The following CEP112 variants were observed in gnomAD, a reference collection of about 807,000 sequenced individuals.
CEP112 encodes centrosomal protein of 112 kDa.
A neutral mutation model predicts 153.0 loss-of-function variants in CEP112; 127 were observed. The ratio of observed to expected loss-of-function variants is 0.83; its 90% CI spans 0.72 to 0.96. CEP112 has a LOEUF of 0.96. Among genes scored for constraint, CEP112 ranks in the 40% least tolerant of loss-of-function variants. The pLI, the probability that CEP112 is intolerant of heterozygous loss-of-function variation, is 0.00. For synonymous variants in CEP112, 358 were observed against 374.4 expected (o/e 0.96, Z 0.51); for missense variants, 1,089 against 1,101.2 (o/e 0.99, Z 0.16).
chr17:65,979,662 T>C (rs564222325), intron 17 of CEP112, among the ~76,000 whole-genome samples: 9 of 152,344 alleles, frequency 5.9e-5, no homozygotes, highest in Middle Eastern at 3.4e-3. Context: ...TGTTATTGCC[T>C]TCTAGTAATT....
intron 22 of CEP112, among the ~76,000 whole-genome samples, chr17:65,743,931 T>C (rs1471430068): frequency 6.6e-6 from 1 of 151,790 alleles, no homozygotes; most frequent in Admixed American, 6.6e-5. Context: ...CCAGCTAATT[T>C]TTTGTATTTT....
chr17:65,743,435 C>T (rs555531050), intron 22 of CEP112, among the ~76,000 whole-genome samples: 1 of 152,268 alleles, frequency 6.6e-6, no homozygotes, highest in South Asian at 2.1e-4. Context: ...ACCAAATATA[C>T]TTGGAAGACG....
intron 23 of CEP112, among the ~76,000 whole-genome samples, chr17:65,719,924 A>AG (rs1397634950): frequency 4.8e-4 from 73 of 152,106 alleles, no homozygotes; most frequent in African/African-American, 1.6e-3. Flanking sequence ...GGTGTGGAGG[A>AG]GAGGTTGGAA....
At chr17:65,784,268 A>T (rs2054154042) in intron 21 of CEP112, among the ~76,000 whole-genome samples, 1 of 152,250 alleles carries the variant, frequency 6.6e-6, no homozygotes, top group Non-Finnish European at 1.5e-5. Flanking sequence ...GAAACAAGAT[A>T]TAACAGAAGT....
intron 6 of CEP112, among the ~76,000 whole-genome samples, chr17:66,127,354 G>C (rs2069894700): frequency 1.3e-5 from 2 of 152,116 alleles, no homozygotes; most frequent in South Asian, 4.2e-4. Flanking sequence ...TCTGGCAAAA[G>C]GAATTTGTCT....
At chr17:65,911,405 G>C (rs565300304) in intron 19 of CEP112, among the ~76,000 whole-genome samples, 71 of 152,240 alleles carry the variant, frequency 4.7e-4, no homozygotes, top group African/African-American at 1.7e-3. Flanking sequence ...CTAATAAGGA[G>C]TTAACTAATG....
At chr17:65,650,741 A>T (rs1023427281) in intron 24 of CEP112, among the ~76,000 whole-genome samples, 3 of 150,292 alleles carry the variant, frequency 2.0e-5, no homozygotes, top group African/African-American at 7.3e-5. Flanking sequence ...AAAAAAAAAA[A>T]AAAAAAAAAA....
chr17:65,719,548 C>T (rs2049749281), intron 23 of CEP112, among the ~76,000 whole-genome samples: 1 of 152,150 alleles, frequency 6.6e-6, no homozygotes, highest in African/African-American at 2.4e-5. Flanking sequence ...TGCCACCGCA[C>T]TCCAGCCTGG....
intron 16 of CEP112, among the ~76,000 whole-genome samples, chr17:66,007,200 T>A (rs964182905): frequency 6.6e-6 from 1 of 152,118 alleles, no homozygotes; most frequent in Non-Finnish European, 1.5e-5. Context: ...GCTGCTATGA[T>A]GATAATCTCA....
At chr17:66,086,747 G>GA (rs923094637) in intron 8 of CEP112, among the ~76,000 whole-genome samples, 33 of 148,338 alleles carry the variant, frequency 2.2e-4, no homozygotes, top group Middle Eastern at 3.4e-3. Flanking sequence ...ATAGAGAAAA[G>GA]AAAAAAAAAC....
At chr17:66,028,221 G>T in intron 15 of CEP112, 92 bp downstream of exon 15, 1 of 735,450 alleles carries the variant, frequency 1.4e-6, no homozygotes, top group Non-Finnish European at 2.3e-6. Flanking sequence ...GCATTTCTGA[G>T]TTTTATTTTT....
rs1308604253 is a variant in CEP112 at position 65,659,197 on chromosome 17, T to TTA, written c.2698-18133_2698-18132insTA. On this transcript the variant is annotated intron_variant, in intron 24 of 26. Coordinates refer to ENST00000535342, the MANE Select transcript of CEP112 (RefSeq NM_001199165.4). ...ATTAATTTGTTGATAAACATATAGT[T>TTA]TCCTATTTTAAAGCAAAACTTAAAA... 2.6e-5 allele frequency among the ~76,000 whole-genome samples: 4 copies of TTA among 152,158 alleles called. No homozygotes were observed. In the East Asian group the frequency reaches 7.7e-4, roughly 29 times the overall value.
chr17:65,889,627 T>C (rs1598900525), intron 20 of CEP112, among the ~76,000 whole-genome samples: 1 of 152,270 alleles, frequency 6.6e-6, no homozygotes, highest in South Asian at 2.1e-4. Flanking sequence ...AGATCTCATC[T>C]TCACTGTTGG....
intron 6 of CEP112, among the ~76,000 whole-genome samples, chr17:66,117,666 TG>T (rs1054749191): frequency 4.6e-5 from 7 of 152,090 alleles, no homozygotes; most frequent in African/African-American, 1.7e-4. Context: ...AATGGACAGA[TG>T]GGGCGACATC....
rs78043198 is a variant in CEP112 at position 65,736,864 on chromosome 17, A to G, written c.2607+6204T>C. 1.6e-3 allele frequency among the ~76,000 whole-genome samples: 247 copies of G among 152,324 alleles called. 2 individuals carry two copies. Among genetic ancestry groups the G allele is most frequent in the African/African-American group, 5.9e-3 (244 of 41,564 alleles). On this transcript the variant is annotated intron_variant, in intron 23 of 26. Coordinates refer to ENST00000535342, the MANE Select transcript of CEP112 (RefSeq NM_001199165.4). Reference sequence around the variant, plus strand: ...CATTAACAGGATATTCCGGACAACTACTAGTCCAAGCTGACTGTACAGACA... The same window carrying G: ...CATTAACAGGATATTCCGGACAACTGCTAGTCCAAGCTGACTGTACAGACA...
At chr17:65,786,314 T>C (rs922824513) in intron 21 of CEP112, among the ~76,000 whole-genome samples, 1 of 152,092 alleles carries the variant, frequency 6.6e-6, no homozygotes, top group African/African-American at 2.4e-5. Flanking sequence ...GGTTTTTTTT[T>C]TGGTAGGATT....
At chr17:65,753,936 C>T (rs957174474) in intron 21 of CEP112, among the ~76,000 whole-genome samples, 18 of 152,282 alleles carry the variant, frequency 1.2e-4, no homozygotes, top group Admixed American at 9.2e-4. Context: ...CTCACAAACC[C>T]AATGAAGCTC....
At chr17:65,900,239 C>A (rs1467838013) in intron 20 of CEP112, among the ~76,000 whole-genome samples, 1 of 152,170 alleles carries the variant, frequency 6.6e-6, no homozygotes, top group Non-Finnish European at 1.5e-5. Context: ...AGCAAGAATG[C>A]ATTTAGCCTG....
chr17:65,937,602 G>C (rs1281590641), intron 18 of CEP112, among the ~76,000 whole-genome samples: 1 of 100,044 alleles, frequency 1.0e-5, no homozygotes, highest in Non-Finnish European at 2.1e-5. Context: ...CAGCCGCCCC[G>C]TCCGGGAGGG....
Sources: allele counts gnomAD v4.1 joint callset (sites outside exome capture counted in the v4.1 genomes callset), GRCh38; gene constraint gnomAD v4.1.1; transcripts MANE v1.5; gene names NCBI Gene and HGNC (gene_info 2026-07-23, HGNC 2026-07-21).